The following CDC42BPA variants were observed in gnomAD, a reference collection of about 807,000 sequenced individuals.
CDC42BPA encodes the protein serine/threonine-protein kinase MRCK alpha.
Under a neutral mutation model 223.5 loss-of-function variants are expected in CDC42BPA, and 80 were observed. That is an observed-to-expected ratio of 0.36 (90% confidence interval 0.30 to 0.43). The LOEUF is 0.43. CDC42BPA is among the 20% of genes least tolerant of loss of function. The probability of loss-of-function intolerance (pLI) is 1.00; values close to 1 mark genes in which losing one functional copy is unlikely to be tolerated. For missense variants in CDC42BPA, 1,743 were observed against 2,099.9 expected, an observed-to-expected ratio of 0.83 and a Z score of 3.32; for synonymous variants, 694 against 718.6, an observed-to-expected ratio of 0.97 and a Z score of 0.55.
chr1:227,090,063 A>G (rs1191410177), intron 16 of CDC42BPA, among the ~76,000 whole-genome samples: 2 of 152,200 alleles, frequency 1.3e-5, no homozygotes, highest in Admixed American at 1.3e-4. Flanking sequence ...TCTTATTTCA[A>G]TGGAAATAAC....
intron 9 of CDC42BPA, among the ~76,000 whole-genome samples, chr1:227,142,414 T>C (rs927516295): frequency 1.5e-4 from 23 of 152,200 alleles, no homozygotes; most frequent in African/African-American, 3.9e-4. Context: ...TTGGTAAGGA[T>C]TAGATTCTGA....
chr1:227,172,178 CCTTT>C (rs765937778), intron 5 of CDC42BPA, among the ~76,000 whole-genome samples: 35 of 152,256 alleles, frequency 2.3e-4, no homozygotes, highest in Non-Finnish European at 4.6e-4. Context: ...TCACCAACAG[CCTTT>C]CTGTCAGTCA....
At chr1:227,177,393 T>C (rs1667151919) in intron 5 of CDC42BPA, among the ~76,000 whole-genome samples, 1 of 152,182 alleles carries the variant, frequency 6.6e-6, no homozygotes, top group Non-Finnish European at 1.5e-5. Context: ...TTGATAGTTT[T>C]CTTCCTCTCA....
intron 4 of CDC42BPA, among the ~76,000 whole-genome samples, chr1:227,198,065 TA>T (rs2150196563): frequency 6.6e-6 from 1 of 152,312 alleles, no homozygotes; most frequent in African/African-American, 2.4e-5. Context: ...TAATTCAGTA[TA>T]TTATAAAAGA....
rs574429532 is a variant in CDC42BPA, at chr1:227,025,782, T to C, written c.4530+273A>G. Among the ~76,000 whole-genome samples, 9 of 152,268 alleles carry C rather than the reference T, an allele frequency of 5.9e-5. No homozygotes were observed. In the South Asian group the frequency reaches 1.9e-3, roughly 32 times the overall value. On this transcript the variant is annotated intron_variant, in intron 31 of 36. Coordinates refer to ENST00000366766, the MANE Select transcript of CDC42BPA (RefSeq NM_001394014.1). ...CCAAAAGTAGAAGATAACACTGACA[T>C]TTTAAGTTGTAGGATATATTCTAGT...
intron 2 of CDC42BPA, among the ~76,000 whole-genome samples, chr1:227,223,360 G>C (rs2147885517): frequency 6.6e-6 from 1 of 152,208 alleles, no homozygotes; most frequent in Admixed American, 6.5e-5. Flanking sequence ...GGTGCTGAAG[G>C]GTCCAAAGAG....
intron 3 of CDC42BPA, among the ~76,000 whole-genome samples, chr1:227,200,851 T>A (rs1427513912): frequency 6.6e-6 from 1 of 152,172 alleles, no homozygotes; most frequent in African/African-American, 2.4e-5. Context: ...CTCAACTATA[T>A]GTGACATTAT....
At chr1:227,102,797 TG>T (rs1558502664) in intron 14 of CDC42BPA, among the ~76,000 whole-genome samples, 1 of 148,368 alleles carries the variant, frequency 6.7e-6, no homozygotes, top group South Asian at 2.1e-4. Context: ...TATTAATAAA[TG>T]TGTCATAAAA....
rs1045290 is a variant in CDC42BPA at position 226,990,999 on chromosome 1, A to G, written c.*3269T>C. ...ACAGAAATCACTAAGTGTGTTGGGG[A>G]TGTGTATAAATACATACATAATAAC... On this transcript the variant is annotated 3_prime_UTR_variant, in exon 37 of 37. Coordinates refer to ENST00000366766, the MANE Select transcript of CDC42BPA (RefSeq NM_001394014.1). 58,897 of 152,490 alleles carry G rather than the reference A, an allele frequency of 0.39. 11,883 individuals carry two copies. The highest frequency in any genetic ancestry group is 0.46 in the Non-Finnish European group (31,347 of 67,982). 9.4% of individuals were successfully genotyped at this position (152,490 alleles called of 1,614,324 possible).
intron 22 of CDC42BPA, among the ~76,000 whole-genome samples, chr1:227,048,663 A>T (rs1310788923): frequency 1.3e-5 from 2 of 150,358 alleles, no homozygotes; most frequent in East Asian, 3.9e-4. Context: ...TTTTATTGTA[A>T]TATTATTTCT....
chr1:227,068,759 G>A, intron 21 of CDC42BPA: 1 of 595,556 alleles, frequency 1.7e-6, no homozygotes, highest in Non-Finnish European at 2.4e-6. Context: ...AATTTAATAA[G>A]AATAATAAAT....
At chr1:227,129,714 T>TATATATATATATATATAC (rs140091366) in intron 10 of CDC42BPA, among the ~76,000 whole-genome samples, 21 of 105,812 alleles carry the variant, frequency 2.0e-4, no homozygotes, top group African/African-American at 4.9e-4. Flanking sequence ...TATATATATA[T>TATATATATATATATATAC]ACAAAAGAAT....
intron 2 of CDC42BPA, among the ~76,000 whole-genome samples, chr1:227,233,711 T>G (rs1678464955): frequency 6.6e-6 from 1 of 152,096 alleles, no homozygotes; most frequent in Non-Finnish European, 1.5e-5. Context: ...GGTGGGCAGA[T>G]CACCTGAGGT....
At chr1:227,031,686 T>C (rs1669318087) in intron 27 of CDC42BPA, among the ~76,000 whole-genome samples, 172 bp from the exon 28 acceptor site, 1 of 152,160 alleles carries the variant, frequency 6.6e-6, no homozygotes, top group African/African-American at 2.4e-5. Flanking sequence ...AGCACTAGAA[T>C]ACATGACAAA....
rs773882265 is a variant in CDC42BPA, at chr1:227,199,533, T to C, written c.450+24A>G. 1.9e-5 allele frequency: 24 copies of C among 1,285,094 alleles called. No homozygotes were observed. The African/African-American group carries it at 2.5e-4, about 13-fold the overall frequency. 79.6% of individuals were successfully genotyped at this position (1,285,094 alleles called of 1,614,324 possible). On this transcript the variant is annotated intron_variant, in intron 4 of 36. Coordinates refer to ENST00000366766, the MANE Select transcript of CDC42BPA (RefSeq NM_001394014.1). Reference sequence around the variant, plus strand: ...ATTCTTCCAACAAAAAAACAGTATATAGAAATACAAAAATGATTCTTACTA... The same window carrying C: ...ATTCTTCCAACAAAAAAACAGTATACAGAAATACAAAAATGATTCTTACTA...
chr1:227,057,309 CAAG>C (rs1674788558), intron 21 of CDC42BPA, among the ~76,000 whole-genome samples: 1 of 152,086 alleles, frequency 6.6e-6, no homozygotes, highest in East Asian at 1.9e-4. Flanking sequence ...ATACTAGAAA[CAAG>C]AATGCAAGAA....
chr1:227,093,598 A>T (rs1397113283), intron 15 of CDC42BPA, among the ~76,000 whole-genome samples: 1 of 152,198 alleles, frequency 6.6e-6, no homozygotes, highest in Non-Finnish European at 1.5e-5. Flanking sequence ...CATACCCTAT[A>T]GTTCAACAAT....
chr1:227,312,914 C>T (rs1693769685), intron 1 of CDC42BPA, among the ~76,000 whole-genome samples: 1 of 152,110 alleles, frequency 6.6e-6, no homozygotes, highest in Non-Finnish European at 1.5e-5. Context: ...TCTCCTTTGC[C>T]TTTTACCATG....
At chr1:227,275,754 C>T (rs868001458) in intron 1 of CDC42BPA, among the ~76,000 whole-genome samples, 11 of 152,192 alleles carry the variant, frequency 7.2e-5, no homozygotes, top group Middle Eastern at 3.4e-3. Context: ...AGGCACGCGC[C>T]GCCACGCCTG....
Sources: allele counts gnomAD v4.1 joint callset (sites outside exome capture counted in the v4.1 genomes callset), GRCh38; gene constraint gnomAD v4.1.1; transcripts MANE v1.5; gene names NCBI Gene and HGNC (gene_info 2026-07-23, HGNC 2026-07-21).